Variants in DAB2IP observed in about 807,000 individuals in gnomAD.
The protein encoded by DAB2IP is disabled homolog 2-interacting protein.
A neutral mutation model predicts 107.2 loss-of-function variants in DAB2IP; 28 were observed. The ratio of observed to expected loss-of-function variants is 0.26; its 90% CI spans 0.19 to 0.36. The LOEUF is 0.36. Among genes scored for constraint, DAB2IP ranks in the 10% least tolerant of loss-of-function variants. DAB2IP has a pLI of 1.00. For missense variants in DAB2IP, 1,400 were observed against 1,644.7 expected (o/e 0.85, Z 2.57); for synonymous variants, 755 against 706.4 (o/e 1.07, Z -1.09).
intron 1 of DAB2IP, among the ~76,000 whole-genome samples, chr9:121,674,626 A>T (rs1270930603): frequency 6.6e-6 from 1 of 152,152 alleles, no homozygotes; most frequent in Non-Finnish European, 1.5e-5. Flanking sequence ...TTGAGGGATC[A>T]CACACACATT....
intron 1 of DAB2IP, among the ~76,000 whole-genome samples, chr9:121,578,323 C>T (rs1047044420): frequency 1.3e-5 from 2 of 152,046 alleles, no homozygotes; most frequent in Non-Finnish European, 2.9e-5. Context: ...GCCTCTCTCT[C>T]TCTCTTTCTC....
chr9:121,734,135 T>C (rs1831721080), intron 3 of DAB2IP, among the ~76,000 whole-genome samples: 1 of 140,280 alleles, frequency 7.1e-6, no homozygotes, highest in Non-Finnish European at 1.5e-5. Context: ...CCCAGCACTT[T>C]GGGAGGCCGA....
exon 6 of DAB2IP, chr9:121,759,942 C>T (rs773564964): frequency 6.2e-7 from 1 of 1,614,156 alleles, no homozygotes; most frequent in South Asian, 1.1e-5. Context: ...GGCCAAGGAC[C>T]TGCCAGCCAA....
chr9:121,782,417 C>T lies in DAB2IP; in HGVS notation c.3489C>T (p.Ala1163=), dbSNP rs751258411. 1.2e-6 allele frequency: 2 copies of T among 1,614,020 alleles called. No individual in the cohort carries two copies. ...TGAAAGAGAGGTACAGCATGCAAGC[C>T]CGTAACGGCATCTCCCCCACCAACC... is the stretch of plus-strand genomic sequence containing the variant. The change falls in exon 16 of 16, where the codon GCC becomes GCT. Residue 1163 remains alanine, a synonymous_variant. Coordinates refer to ENST00000408936, the Ensembl canonical transcript of DAB2IP. This position sits in a 1 kb window ranked among gnomAD's most constrained non-coding sequence, Gnocchi z 6.1.
chr9:121,714,779 G>A (rs116199739), intron 3 of DAB2IP, among the ~76,000 whole-genome samples: 40 of 152,372 alleles, frequency 2.6e-4, no homozygotes, highest in African/African-American at 9.4e-4. Flanking sequence ...AAGGCAGTGA[G>A]AGCCCAGATC....
chr9:121,697,986 G>A (rs936228410), intron 2 of DAB2IP, among the ~76,000 whole-genome samples: 3 of 152,176 alleles, frequency 2.0e-5, no homozygotes, highest in Admixed American at 1.3e-4. Flanking sequence ...GTCTGTGCGG[G>A]TGACATGAGA....
intron 3 of DAB2IP, among the ~76,000 whole-genome samples, chr9:121,729,074 G>C (rs971440095): frequency 3.9e-5 from 6 of 152,114 alleles, no homozygotes; most frequent in Non-Finnish European, 5.9e-5. Context: ...CTCTGTGCCA[G>C]GCTTCCTCCC....
intron 1 of DAB2IP, among the ~76,000 whole-genome samples, chr9:121,600,194 T>C (rs1037896529): frequency 6.6e-6 from 1 of 152,068 alleles, no homozygotes; most frequent in African/African-American, 2.4e-5. Flanking sequence ...ACCCTGGGAA[T>C]TGGTGATAGG....
Position 121,702,960 on chromosome 9 carries a change from G to A in DAB2IP, c.362+3502G>A, listed in dbSNP as rs1024651927. The stretch of plus-strand genomic sequence containing the variant: ...AAGCTCTTCCCAGTCATCCTGGTGC[G>A]GAGCTTAGCTCATAAATGCAGGCAG... On this transcript the variant is annotated intron_variant, in intron 3 of 15. Coordinates refer to ENST00000408936, the Ensembl canonical transcript of DAB2IP. This position sits in a 1 kb window ranked among gnomAD's most constrained non-coding sequence, Gnocchi z 4.5. Among the ~76,000 whole-genome samples, 1 of 152,158 alleles carries A rather than the reference G, an allele frequency of 6.6e-6. No homozygotes were observed. The highest frequency in any genetic ancestry group is 2.1e-4 in the South Asian group (1 of 4,830).
At chr9:121,647,599 C>G (rs1467655635), upstream of DAB2IP, among the ~76,000 whole-genome samples, 3 of 152,046 alleles carry the variant, frequency 2.0e-5, no homozygotes, top group East Asian at 5.8e-4. Flanking sequence ...TTGGGTCCAT[C>G]CCTCCCTGGT....
intron 3 of DAB2IP, among the ~76,000 whole-genome samples, chr9:121,744,513 A>C (rs1832586128): frequency 6.6e-6 from 1 of 152,226 alleles, no homozygotes; most frequent in Non-Finnish European, 1.5e-5. Context: ...ACTGCCTGCC[A>C]GTAGGTGTCC....
At chr9:121,763,641 A>G (rs1229912647) in exon 7 of DAB2IP, 1 of 1,613,120 alleles carries the variant, frequency 6.2e-7, no homozygotes, top group South Asian at 1.1e-5. Flanking sequence ...TACCTGCAGG[A>G]CGCCCTAGGT....
At chr9:121,679,406 G>T (rs12350399) in intron 2 of DAB2IP, among the ~76,000 whole-genome samples, 2 of 147,496 alleles carry the variant, frequency 1.4e-5, no homozygotes, top group Non-Finnish European at 3.0e-5. Flanking sequence ...TTCTGCATTT[G>T]TGCATGTACA....
chr9:121,602,676 C>T (rs10818571), intron 1 of DAB2IP, among the ~76,000 whole-genome samples: 35,976 of 151,936 alleles, frequency 0.24, 5,121 homozygotes, highest in South Asian at 0.38. Flanking sequence ...CCTGGGTTCA[C>T]GCCATTCTCC....
At chr9:121,607,421 G>A (rs1311204464) in intron 1 of DAB2IP, among the ~76,000 whole-genome samples, 2 of 152,088 alleles carry the variant, frequency 1.3e-5, no homozygotes, top group African/African-American at 4.8e-5. Context: ...TCCCATCTGA[G>A]CCTCCAAAGT....
intron 1 of DAB2IP, among the ~76,000 whole-genome samples, chr9:121,669,697 A>G (rs1268186507): frequency 6.6e-6 from 1 of 152,090 alleles, no homozygotes; most frequent in Non-Finnish European, 1.5e-5. Context: ...CAGCCAAGAG[A>G]GGGTGATGAT....
At chr9:121,603,051 G>T (rs894184796) in intron 1 of DAB2IP, among the ~76,000 whole-genome samples, 1 of 152,194 alleles carries the variant, frequency 6.6e-6, no homozygotes, top group African/African-American at 2.4e-5. Flanking sequence ...CCCTGGAGGG[G>T]TTGGCAGAAA....
intron 8 of DAB2IP, 57 bp from the exon 9 acceptor site, chr9:121,766,437 C>T (rs1834285197): frequency 6.6e-7 from 1 of 1,524,968 alleles, no homozygotes; most frequent in Non-Finnish European, 8.9e-7. Context: ...GCTCTGTGCA[C>T]TCCTGTCCTG....
intron 8 of DAB2IP, among the ~76,000 whole-genome samples, chr9:121,764,448 C>CA (rs1483579375): frequency 1.3e-5 from 2 of 152,244 alleles, no homozygotes; most frequent in South Asian, 2.1e-4. Context: ...TCAGCAGGAC[C>CA]GGAATCAGTC....
Sources: allele counts gnomAD v4.1 joint callset (sites outside exome capture counted in the v4.1 genomes callset), GRCh38; gene constraint gnomAD v4.1.1; non-coding constraint Gnocchi (gnomAD v3.1); transcripts MANE v1.5; gene names NCBI Gene and HGNC (gene_info 2026-07-23, HGNC 2026-07-21).